The following XYLT1 variants were observed in gnomAD, a reference collection of about 807,000 sequenced individuals.
XYLT1 encodes beta-D-xylosyltransferase 1.
Under a neutral mutation model 91.3 loss-of-function variants are expected in XYLT1, and 36 were observed. The ratio of observed to expected loss-of-function variants is 0.39; its 90% CI spans 0.30 to 0.52. The LOEUF (loss-of-function observed/expected upper bound fraction) is 0.52, where lower values mean the gene tolerates loss of function less well. Among genes scored for constraint, XYLT1 ranks in the 20% least tolerant of loss-of-function variants. The pLI is 0.68. For synonymous variants in XYLT1, 588 were observed against 532.0 expected (o/e 1.11, Z -1.45); for missense variants, 1,242 against 1,284.5 (o/e 0.97, Z 0.51).
chr16:17,174,158 AAAAG>A (rs773852766), intron 5 of XYLT1, among the ~76,000 whole-genome samples: 14 of 152,210 alleles, frequency 9.2e-5, no homozygotes, highest in Non-Finnish European at 2.1e-4. Flanking sequence ...AATAAAACAC[AAAAG>A]AAAGATATAC....
intron 3 of XYLT1, among the ~76,000 whole-genome samples, chr16:17,215,896 TG>T (rs2032848418): frequency 6.6e-6 from 1 of 152,104 alleles, no homozygotes; most frequent in African/African-American, 2.4e-5. Context: ...CCTTAAGGAC[TG>T]CAATTGAAGA....
chr16:17,134,746 G>A lies in XYLT1; in HGVS notation c.1765-11C>T. ...AGGCCGGGCTGTCTGCTGTACTCAT[G>A]GGATTAAAAATAGAAAAGCCACATC... On this transcript the variant is annotated splice_polypyrimidine_tract_variant and intron_variant, in intron 8 of 11. Transcript: ENST00000261381. The A allele has an allele frequency of 6.2e-7, 1 of 1,612,436 alleles. No individual in the cohort carries two copies. Among genetic ancestry groups the A allele is most frequent in the East Asian group, 2.2e-5 (1 of 44,836 alleles).
intron 8 of XYLT1, among the ~76,000 whole-genome samples, chr16:17,137,346 C>T (rs1318947521): frequency 6.6e-6 from 1 of 152,250 alleles, no homozygotes; most frequent in Non-Finnish European, 1.5e-5. Context: ...CAGCATCCCG[C>T]TCCACATCAA....
chr16:17,142,369 G>A (rs1219553517), intron 6 of XYLT1, among the ~76,000 whole-genome samples: 2 of 151,230 alleles, frequency 1.3e-5, no homozygotes, highest in Admixed American at 6.6e-5. Context: ...ATGGTACTAC[G>A]TGTGTTTCTT....
intron 6 of XYLT1, among the ~76,000 whole-genome samples, chr16:17,150,957 T>G (rs1368861759): frequency 6.6e-6 from 1 of 152,158 alleles, no homozygotes; most frequent in African/African-American, 2.4e-5. Context: ...AAGGGCCCTG[T>G]GGCTGCCAAA....
At chr16:17,217,962 A>T (rs1200026569) in intron 3 of XYLT1, among the ~76,000 whole-genome samples, 2 of 151,876 alleles carry the variant, frequency 1.3e-5, no homozygotes, top group African/African-American at 4.8e-5. Context: ...AATAATAAAA[A>T]AAAAAAAAGA....
intron 2 of XYLT1, among the ~76,000 whole-genome samples, chr16:17,339,378 A>G (rs2035033775): frequency 6.6e-6 from 1 of 152,190 alleles, no homozygotes; most frequent in Admixed American, 6.5e-5. Context: ...AATTGCAGAT[A>G]TTTTCATGTC....
chr16:17,144,632 GAGATTGCTCTGGGCAGATGACAC>G (rs2031084853), intron 6 of XYLT1, among the ~76,000 whole-genome samples: 1 of 152,198 alleles, frequency 6.6e-6, no homozygotes, highest in Non-Finnish European at 1.5e-5. Context: ...GCTTAATTGG[GAGATTGCTCTGGGCAGATGACAC>G]AGATTGAAAA....
chr16:17,263,704 T>TTTTTC (rs954686144), intron 2 of XYLT1, among the ~76,000 whole-genome samples: 5 of 152,084 alleles, frequency 3.3e-5, no homozygotes, highest in Admixed American at 1.3e-4. Context: ...TCAATTCATT[T>TTTTTC]TTTTCTTTTC....
At chr16:17,469,336 C>G (rs2036945928) in intron 1 of XYLT1, among the ~76,000 whole-genome samples, 1 of 152,220 alleles carries the variant, frequency 6.6e-6, no homozygotes, top group Non-Finnish European at 1.5e-5. Context: ...TCCTTGCAGA[C>G]AAGTAGTGTG....
intron 2 of XYLT1, among the ~76,000 whole-genome samples, chr16:17,282,307 A>G (rs2034070176): frequency 6.6e-6 from 1 of 152,022 alleles, no homozygotes. Context: ...GCCACGAACA[A>G]CTGTACTACA....
intron 2 of XYLT1, among the ~76,000 whole-genome samples, chr16:17,271,319 G>C (rs2033887150): frequency 6.6e-6 from 1 of 152,096 alleles, no homozygotes; most frequent in African/African-American, 2.4e-5. Flanking sequence ...GTGTGGTAGA[G>C]ACACAGAGAG....
intron 1 of XYLT1, among the ~76,000 whole-genome samples, chr16:17,387,174 C>T (rs2035757632): frequency 6.6e-6 from 1 of 152,156 alleles, no homozygotes; most frequent in African/African-American, 2.4e-5. Context: ...ATGGATTCCT[C>T]TCCTCCATCC....
chr16:17,342,484 G>A (rs1038005566), intron 2 of XYLT1, among the ~76,000 whole-genome samples: 16 of 152,142 alleles, frequency 1.1e-4, no homozygotes, highest in African/African-American at 3.6e-4. Context: ...CACTTTGGGA[G>A]GCCGAGACAG....
intron 1 of XYLT1, among the ~76,000 whole-genome samples, chr16:17,383,530 C>G (rs560044903): frequency 2.6e-5 from 4 of 151,860 alleles, no homozygotes; most frequent in African/African-American, 7.2e-5. Context: ...GTCTGACATA[C>G]GGTCCTGGCT....
intron 1 of XYLT1, among the ~76,000 whole-genome samples, chr16:17,454,417 G>T (rs1281936660): frequency 1.3e-5 from 2 of 152,146 alleles, no homozygotes; most frequent in Non-Finnish European, 2.9e-5. Context: ...TTAGGCTTAG[G>T]GCCCATACAG....
intron 1 of XYLT1, among the ~76,000 whole-genome samples, chr16:17,464,858 T>C (rs984514138): frequency 6.6e-6 from 1 of 151,934 alleles, no homozygotes; most frequent in Non-Finnish European, 1.5e-5. Flanking sequence ...AGAATAAAGA[T>C]TTTTGGGGCT....
intron 1 of XYLT1, chr16:17,446,135 T>C (rs2036588173): frequency 6.6e-6 from 1 of 152,146 alleles, no homozygotes; most frequent in Non-Finnish European, 1.5e-5. Context: ...CTATTTAATA[T>C]AGGTGACATC....
At chr16:17,439,090 G>A (rs994161322) in intron 1 of XYLT1, among the ~76,000 whole-genome samples, 1 of 152,178 alleles carries the variant, frequency 6.6e-6, no homozygotes, top group Non-Finnish European at 1.5e-5. Flanking sequence ...GGTAAATACA[G>A]AAATTTAAGC....
Sources: gnomAD v4.1 joint callset for allele counts (sites outside exome capture counted in the v4.1 genomes callset) on GRCh38, gnomAD v4.1.1 for gene constraint, MANE v1.5 for transcripts, NCBI Gene and HGNC (gene_info 2026-07-23, HGNC 2026-07-21) for gene names.